CBLB: variants seen among roughly 807,000 people sequenced by gnomAD.
The protein encoded by CBLB is Cbl proto-oncogene B, also known as E3 ubiquitin-protein ligase CBL-B.
In CBLB, 31 loss-of-function variants were observed where a neutral mutation model predicts 104.9. That is an observed-to-expected ratio of 0.30 (90% CI 0.22 to 0.40). CBLB has a LOEUF of 0.40. Among genes scored for constraint, CBLB ranks in the 10% least tolerant of loss-of-function variants. The pLI is 1.00. For synonymous variants in CBLB, 440 were observed against 422.6 expected (o/e 1.04, Z -0.51); for missense variants, 1,062 against 1,214.6 (o/e 0.87, Z 1.87).
At chr3:105,761,428 G>A (rs535009419) in intron 4 of CBLB, among the ~76,000 whole-genome samples, 1 of 152,332 alleles carries the variant, frequency 6.6e-6, no homozygotes, top group Non-Finnish European at 1.5e-5. Context: ...TGTTGTGGGA[G>A]GGACCAGGTG....
At chr3:105,693,661 C>T in intron 12 of CBLB, 73 bp from the exon 13 acceptor site, 1 of 937,392 alleles carries the variant, frequency 1.1e-6, no homozygotes, top group Non-Finnish European at 1.7e-6. Flanking sequence ...GCTGCTCTAC[C>T]ATTCTGAAGA....
At position 105,815,223 on chromosome 3, in the gene CBLB, C is replaced by CA. The variant is rs891327984; in HGVS notation, c.419+38190dup. On this transcript the variant is annotated intron_variant, in intron 3 of 18. Coordinates refer to ENST00000394030, the MANE Select transcript of CBLB (RefSeq NM_170662.5). Reference sequence around the variant, plus strand: ...CAGTGCAGATTGAGATTTAAATCTACAAAAAATGCTTTGTACACCTGTAGG... The same window carrying CA: ...CAGTGCAGATTGAGATTTAAATCTACAAAAAAATGCTTTGTACACCTGTAGG... Among the ~76,000 whole-genome samples, 23 of 152,040 alleles carry CA rather than the reference C, an allele frequency of 1.5e-4. No individual in the cohort carries two copies. The South Asian group carries it at 1.7e-3, about 11-fold the overall frequency.
At chr3:105,758,353 G>GAC (rs2077266368) in intron 4 of CBLB, among the ~76,000 whole-genome samples, 1 of 152,182 alleles carries the variant, frequency 6.6e-6, no homozygotes, top group African/African-American at 2.4e-5. Flanking sequence ...ACACGATAAA[G>GAC]ACACAGATGC....
intron 2 of CBLB, among the ~76,000 whole-genome samples, chr3:105,858,506 T>C (rs940780030): frequency 6.6e-6 from 1 of 152,206 alleles, no homozygotes; most frequent in South Asian, 2.1e-4. Flanking sequence ...GAATGAAGCT[T>C]GGTACTAACA....
At chr3:105,694,762 T>C (rs1012868094) in intron 12 of CBLB, among the ~76,000 whole-genome samples, 1 of 151,852 alleles carries the variant, frequency 6.6e-6, no homozygotes. Context: ...TTAGTACCAA[T>C]TTCTCTTTTT....
At chr3:105,745,650 T>C (rs747875831) in intron 6 of CBLB, among the ~76,000 whole-genome samples, 1 of 152,226 alleles carries the variant, frequency 6.6e-6, no homozygotes, top group Non-Finnish European at 1.5e-5. Context: ...TTCAAATATA[T>C]ACATTCAATT....
chr3:105,750,978 A>G (rs2076543659), intron 5 of CBLB, among the ~76,000 whole-genome samples: 1 of 152,244 alleles, frequency 6.6e-6, no homozygotes, highest in Non-Finnish European at 1.5e-5. Flanking sequence ...AGCAATTTAC[A>G]AAATAAGTAC....
intron 7 of CBLB, among the ~76,000 whole-genome samples, chr3:105,738,715 TA>T (rs951605159): frequency 4.6e-5 from 7 of 151,768 alleles, no homozygotes; most frequent in Non-Finnish European, 8.8e-5. Flanking sequence ...TATATTTTCT[TA>T]AAAAAAATCT....
At position 105,868,882 on chromosome 3, in the gene CBLB, G is replaced by A. The variant is rs1706656172; in HGVS notation, c.-161C>T. On this transcript the variant is annotated 5_prime_UTR_variant, in exon 1 of 19. Coordinates refer to ENST00000394030, the MANE Select transcript of CBLB (RefSeq NM_170662.5). ...GAAGAAGGAGCAACCCAGCGCGCAG[G>A]CCTCCGAGACGTGGAAACGCAACAA... The A allele has an allele frequency of 2.0e-6, 2 of 1,016,064 alleles. No homozygotes were observed. The allele number at this position is 1,016,064 out of a possible 1,614,324, so 62.9% of individuals were successfully genotyped here.
At chr3:105,849,178 T>C (rs1219244266) in intron 3 of CBLB, among the ~76,000 whole-genome samples, 1 of 152,134 alleles carries the variant, frequency 6.6e-6, no homozygotes, top group Admixed American at 6.6e-5. Flanking sequence ...CCAAATATAT[T>C]ACTAGAAAAA....
At chr3:105,683,780 T>C (rs754995956) in intron 14 of CBLB, among the ~76,000 whole-genome samples, 4 of 152,216 alleles carry the variant, frequency 2.6e-5, no homozygotes, top group Non-Finnish European at 4.4e-5. Flanking sequence ...TGATATGATT[T>C]TATCAACAGA....
chr3:105,869,013 A>AC, upstream of CBLB: 1 of 1,004,802 alleles, frequency 1.0e-6, no homozygotes, highest in African/African-American at 1.8e-5. Flanking sequence ...CTCGCTGGAC[A>AC]CCCCACCCCT....
chr3:105,719,953 C>T, intron 10 of CBLB, 94 bp downstream of exon 10: 2 of 977,948 alleles, frequency 2.0e-6, no homozygotes, highest in Non-Finnish European at 3.2e-6. Flanking sequence ...CTTTTCTAAA[C>T]TCAAATACGC....
chr3:105,846,329 T>C lies in CBLB; in HGVS notation c.419+7085A>G, dbSNP rs192766827. Among the ~76,000 whole-genome samples the C allele has an allele frequency of 1.9e-3, 291 of 152,170 alleles. 1 individual carries two copies. The highest frequency in any genetic ancestry group is 6.8e-3 in the African/African-American group (284 of 41,570). On this transcript the variant is annotated intron_variant, in intron 3 of 18. Coordinates refer to ENST00000394030, the MANE Select transcript of CBLB (RefSeq NM_170662.5). Reference sequence around the variant, plus strand: ...TGTAAAATTATTTTAATGATGAATATAAGCCATTCCCTTTCATGTATCATT... The same window carrying C: ...TGTAAAATTATTTTAATGATGAATACAAGCCATTCCCTTTCATGTATCATT...
intron 4 of CBLB, among the ~76,000 whole-genome samples, chr3:105,776,036 A>G (rs2079416198): frequency 6.6e-6 from 1 of 152,134 alleles, no homozygotes; most frequent in African/African-American, 2.4e-5. Flanking sequence ...GCCATTTTTT[A>G]AAGTATCTAT....
rs528500503 is a variant in CBLB at position 105,850,687 on chromosome 3, T to C, written c.419+2727A>G. Among the ~76,000 whole-genome samples the C allele has an allele frequency of 7.9e-5, 12 of 152,304 alleles. No individual in the cohort carries two copies. The South Asian group carries it at 2.3e-3, about 29-fold the overall frequency. ...TGAATGAGGATATCTAAATGAAGAA[T>C]CCTGGCTATAAAATTAGGATTTGGT... On this transcript the variant is annotated intron_variant, in intron 3 of 18. Coordinates refer to ENST00000394030, the MANE Select transcript of CBLB (RefSeq NM_170662.5).
At chr3:105,800,822 G>A (rs1192817749) in intron 3 of CBLB, among the ~76,000 whole-genome samples, 3 of 152,210 alleles carry the variant, frequency 2.0e-5, no homozygotes, top group African/African-American at 7.2e-5. Context: ...GGAACAAAGT[G>A]AAAAGACATA....
At chr3:105,832,736 G>T (rs2087753696) in intron 3 of CBLB, among the ~76,000 whole-genome samples, 1 of 152,134 alleles carries the variant, frequency 6.6e-6, no homozygotes, top group South Asian at 2.1e-4. Flanking sequence ...CACTAAATAG[G>T]ATGTAGCTCA....
In CBLB at chr3:105,728,331, A is replaced by G. The variant is rs1210493088; in HGVS notation, c.1203+5678T>C. ...CTATGCACCAATAATAGACAAACAG[A>G]GAGCCAAATCATGAGTGAACTCCCA... On this transcript the variant is annotated intron_variant, in intron 9 of 18. Coordinates refer to ENST00000394030, the MANE Select transcript of CBLB (RefSeq NM_170662.5). 4.6e-5 allele frequency among the ~76,000 whole-genome samples: 7 copies of G among 152,312 alleles called. 1 individual carries two copies. The highest frequency in any genetic ancestry group is 4.6e-4 in the Admixed American group (7 of 15,298).
Sources: allele counts gnomAD v4.1 joint callset (sites outside exome capture counted in the v4.1 genomes callset), GRCh38; gene constraint gnomAD v4.1.1; transcripts MANE v1.5; gene names NCBI Gene and HGNC (gene_info 2026-07-23, HGNC 2026-07-21).